MAP2: variants seen among roughly 807,000 people sequenced by gnomAD.
The protein encoded by MAP2 is microtubule associated protein 2, also known as microtubule-associated protein 2.
Under a neutral mutation model 137.6 loss-of-function variants are expected in MAP2, and 14 were observed. The observed-to-expected ratio is 0.10, with a 90% CI of 0.07 to 0.16. MAP2 has a LOEUF of 0.16. MAP2 is among the 10% of genes least tolerant of loss of function. MAP2 has a pLI of 1.00. For synonymous variants in MAP2, 786 were observed against 782.3 expected, an observed-to-expected ratio of 1.00 and a Z score of -0.08; for missense variants, 2,088 against 2,191.5, an observed-to-expected ratio of 0.95 and a Z score of 0.94.
intron 4 of MAP2, among the ~76,000 whole-genome samples, chr2:209,644,521 C>G (rs1265053755): frequency 6.6e-6 from 1 of 151,950 alleles, no homozygotes; most frequent in Non-Finnish European, 1.5e-5. Context: ...GCAGGCAGAA[C>G]CTTTCTGTGT....
chr2:209,455,054 G>A (rs1417379576), intron 1 of MAP2, among the ~76,000 whole-genome samples: 1 of 152,118 alleles, frequency 6.6e-6, no homozygotes, highest in Non-Finnish European at 1.5e-5. Context: ...CTTCTTATGA[G>A]GGCACTAATC....
chr2:209,492,079 C>G (rs551353760), intron 1 of MAP2, among the ~76,000 whole-genome samples: 2 of 152,278 alleles, frequency 1.3e-5, no homozygotes, highest in African/African-American at 4.8e-5. Flanking sequence ...AGCAGCACAT[C>G]AAAAACTTAT....
At chr2:209,534,117 A>ATTATTCC (rs1294489629) in intron 2 of MAP2, among the ~76,000 whole-genome samples, 6 of 152,336 alleles carry the variant, frequency 3.9e-5, no homozygotes, top group African/African-American at 1.4e-4. Flanking sequence ...GACCAACTTG[A>ATTATTCC]TTATTCCTGA....
chr2:209,677,443 T>C (rs76632501), intron 5 of MAP2, among the ~76,000 whole-genome samples: 76 of 135,522 alleles, frequency 5.6e-4, no homozygotes, highest in East Asian at 4.1e-3. Context: ...GACAGACAGA[T>C]AGATGTTGCT....
At position 209,696,580 on chromosome 2, in the gene MAP2, A is replaced by G; in HGVS notation, c.4219A>G (p.Ile1407Val). Reference protein sequence around the residue: ...RSIMTEQLETIPKEEKAEKEA... With the variant: ...RSIMTEQLETVPKEEKAEKEA... ...CATCATGACAGAACAGTTAGAAACT[A>G]TTCCTAAAGAGGAGAAAGCTGAAAA... The change falls in exon 9 of 16, where the codon ATT becomes GTT. Residue 1407 changes from isoleucine (I) to valine (V), a missense_variant. Ile to Val is a conservative substitution (Grantham distance 29). This residue lies in a region of MAP2 where 591 missense variants were observed against 642.6 expected (regional missense o/e 0.92). Coordinates refer to ENST00000682079, the MANE Select transcript of MAP2 (RefSeq NM_001375505.1). 1 of 1,613,782 alleles carries G rather than the reference A, an allele frequency of 6.2e-7. No individual in the cohort carries two copies. The highest frequency in any genetic ancestry group is 8.5e-7 in the Non-Finnish European group (1 of 1,179,824).
intron 2 of MAP2, among the ~76,000 whole-genome samples, chr2:209,549,809 A>T (rs573522777): frequency 2.6e-5 from 4 of 152,194 alleles, no homozygotes; most frequent in Non-Finnish European, 5.9e-5. Flanking sequence ...GGTAATGGAT[A>T]TTGGTTTGTG....
chr2:209,541,127 T>C (rs1177944884), intron 2 of MAP2, among the ~76,000 whole-genome samples: 1 of 150,808 alleles, frequency 6.6e-6, no homozygotes, highest in Non-Finnish European at 1.5e-5. Flanking sequence ...GCCTCCCGGG[T>C]TCAAGCAATT....
At chr2:209,680,627 A>G (rs1418009322) in intron 6 of MAP2, 123 bp from the exon 7 acceptor site, 1 of 799,602 alleles carries the variant, frequency 1.3e-6, no homozygotes, top group East Asian at 2.5e-5. Flanking sequence ...AATGCGGCTT[A>G]CTATTGAATC....
intron 2 of MAP2, among the ~76,000 whole-genome samples, chr2:209,569,426 A>G (rs949848716): frequency 6.6e-5 from 10 of 151,896 alleles, no homozygotes; most frequent in Non-Finnish European, 1.3e-4. Flanking sequence ...TGAACAAAAC[A>G]GGCAGAGTCT....
chr2:209,435,937 AT>A (rs1169499048), intron 1 of MAP2, among the ~76,000 whole-genome samples: 1 of 143,228 alleles, frequency 7.0e-6, no homozygotes, highest in Non-Finnish European at 1.5e-5. Flanking sequence ...TATTATATAT[AT>A]AATATATACT....
At chr2:209,536,953 G>C (rs185735565) in intron 2 of MAP2, among the ~76,000 whole-genome samples, 1 of 152,060 alleles carries the variant, frequency 6.6e-6, no homozygotes, top group Non-Finnish European at 1.5e-5. Context: ...ATACTGTAAG[G>C]ATAGCTCACA....
chr2:209,498,290 G>A (rs1243556695), intron 1 of MAP2, among the ~76,000 whole-genome samples: 1 of 152,184 alleles, frequency 6.6e-6, no homozygotes, highest in Admixed American at 6.5e-5. Context: ...GGTACAATGA[G>A]GGGGCTCCTA....
intron 1 of MAP2, among the ~76,000 whole-genome samples, chr2:209,464,717 G>A (rs1265716458): frequency 6.6e-6 from 1 of 151,848 alleles, no homozygotes; most frequent in Non-Finnish European, 1.5e-5. Context: ...TACAAAGAAT[G>A]GATTTTAAAA....
intron 3 of MAP2, among the ~76,000 whole-genome samples, chr2:209,596,533 C>T (rs1399953536): frequency 3.9e-5 from 6 of 152,044 alleles, no homozygotes; most frequent in Admixed American, 2.0e-4. Flanking sequence ...AGGCCTTATG[C>T]AAAGGAATGT....
intron 4 of MAP2, among the ~76,000 whole-genome samples, chr2:209,648,057 A>C (rs2094522231): frequency 6.6e-6 from 1 of 151,952 alleles, no homozygotes; most frequent in African/African-American, 2.4e-5. Context: ...CAATAAAGTC[A>C]AGTGTAATAT....
intron 12 of MAP2, 96 bp downstream of exon 12, chr2:209,705,823 A>C: frequency 9.1e-7 from 1 of 1,101,296 alleles, no homozygotes; most frequent in Non-Finnish European, 1.3e-6. Flanking sequence ...TAAAAATAAA[A>C]CATGCATTAA....
chr2:209,696,855 G>C, intron 9 of MAP2, 62 bp from the exon 10 acceptor site: 1 of 1,556,288 alleles, frequency 6.4e-7, no homozygotes, highest in Admixed American at 2.1e-5. Context: ...AATTTCGTTC[G>C]GTTTTGCTCC....
intron 6 of MAP2, among the ~76,000 whole-genome samples, chr2:209,680,097 C>T (rs2053884418): frequency 6.6e-6 from 1 of 152,044 alleles, no homozygotes; most frequent in South Asian, 2.1e-4. Context: ...GAACCTTTTT[C>T]TCTGGTTCCT....
At chr2:209,578,603 C>T (rs955658999) in intron 2 of MAP2, among the ~76,000 whole-genome samples, 1 of 152,090 alleles carries the variant, frequency 6.6e-6, no homozygotes, top group African/African-American at 2.4e-5. Flanking sequence ...TTGCTCCATT[C>T]ACTGGTTCAG....
Sources: gnomAD v4.1 joint callset for allele counts (sites outside exome capture counted in the v4.1 genomes callset) on GRCh38, gnomAD v4.1.1 for gene constraint, gnomAD v4.1.1 regional missense constraint, MANE v1.5 for transcripts, NCBI Gene and HGNC (gene_info 2026-07-23, HGNC 2026-07-21) for gene names.